Variants in MAST4 observed in about 807,000 individuals in gnomAD.
MAST4 encodes microtubule associated serine/threonine kinase family member 4, also known as microtubule-associated serine/threonine-protein kinase 4.
In MAST4, 89 loss-of-function variants were observed where a neutral mutation model predicts 162.7. The observed-to-expected ratio is 0.55, with a 90% confidence interval of 0.46 to 0.65. The LOEUF is 0.65. MAST4 is among the 30% of genes least tolerant of loss of function. MAST4 has a pLI of 0.00. For synonymous variants in MAST4, 1,479 were observed against 1,361.1 expected, an observed-to-expected ratio of 1.09 and a Z score of -1.91; for missense variants, 3,153 against 3,374.0, an observed-to-expected ratio of 0.93 and a Z score of 1.62.
intron 1 of MAST4, among the ~76,000 whole-genome samples, chr5:66,753,729 G>A (rs1207022142): frequency 2.0e-5 from 3 of 150,018 alleles, no homozygotes; most frequent in African/African-American, 7.4e-5. Flanking sequence ...GGTACAAGGA[G>A]GAACTGGTAC....
chr5:67,049,042 CGTGTATATATATATAT>C (rs1561576545), intron 4 of MAST4, among the ~76,000 whole-genome samples: 28 of 51,202 alleles, frequency 5.5e-4, no homozygotes, highest in African/African-American at 1.3e-3. Flanking sequence ...TATATATATA[CGTGTATATATATATAT>C]ACGTATATAT....
At chr5:66,639,207 C>T (rs967214731) in intron 1 of MAST4, among the ~76,000 whole-genome samples, 3 of 150,958 alleles carry the variant, frequency 2.0e-5, no homozygotes, top group Non-Finnish European at 4.4e-5. Context: ...AGAATGATGT[C>T]ATGGGAACCA....
intron 1 of MAST4, among the ~76,000 whole-genome samples, chr5:66,635,677 G>A (rs947291083): frequency 6.6e-6 from 1 of 151,242 alleles, no homozygotes; most frequent in Non-Finnish European, 1.5e-5. Flanking sequence ...CCATAAGATT[G>A]TGGATTTTTT....
intron 26 of MAST4, among the ~76,000 whole-genome samples, chr5:67,158,388 A>G (rs1018117650): frequency 9.2e-5 from 14 of 152,120 alleles, no homozygotes; most frequent in African/African-American, 3.4e-4. Context: ...GACATTAGGT[A>G]TGAAAGTATA....
intron 3 of MAST4, among the ~76,000 whole-genome samples, chr5:66,863,506 CCTT>C (rs1347253330): frequency 6.6e-6 from 1 of 152,170 alleles, no homozygotes; most frequent in Non-Finnish European, 1.5e-5. Context: ...TCTCCCTCCT[CCTT>C]GTTTCCCTCT....
At chr5:66,602,971 T>TG (rs1466233793) in intron 1 of MAST4, among the ~76,000 whole-genome samples, 1 of 152,134 alleles carries the variant, frequency 6.6e-6, no homozygotes, top group Admixed American at 6.5e-5. Flanking sequence ...GTACCCAGCA[T>TG]GGTGTGTGGT....
chr5:66,646,896 T>C lies in MAST4; in HGVS notation c.363+49878T>C, dbSNP rs143389432. Among the ~76,000 whole-genome samples, 499 of 152,336 alleles carry C rather than the reference T, an allele frequency of 3.3e-3. 3 individuals carry two copies. The highest frequency in any genetic ancestry group is 0.011 in the African/African-American group (448 of 41,580). On this transcript the variant is annotated intron_variant, in intron 1 of 28. Transcript: ENST00000403625. ...TGGGCTATATAACTTTAAAAGCTTA[T>C]TGTTATCAATGTGATTGAAAATTTA...
At chr5:66,746,050 G>T (rs1752739822) in intron 1 of MAST4, among the ~76,000 whole-genome samples, 1 of 152,108 alleles carries the variant, frequency 6.6e-6, no homozygotes, top group Non-Finnish European at 1.5e-5. Context: ...TCTAAATCTG[G>T]GCAGTTCATT....
chr5:66,684,026 CTT>C (rs2149487827), intron 1 of MAST4, among the ~76,000 whole-genome samples: 1 of 152,198 alleles, frequency 6.6e-6, no homozygotes, highest in Non-Finnish European at 1.5e-5. Context: ...TCACTGTAAT[CTT>C]TTAGATGTTG....
At chr5:66,815,596 A>G (rs1447399094) in intron 3 of MAST4, among the ~76,000 whole-genome samples, 1 of 152,228 alleles carries the variant, frequency 6.6e-6, no homozygotes, top group Non-Finnish European at 1.5e-5. Flanking sequence ...CTTGTATTTC[A>G]GAAGACAAAT....
At chr5:66,730,669 A>G (rs961828068) in intron 1 of MAST4, among the ~76,000 whole-genome samples, 9 of 152,186 alleles carry the variant, frequency 5.9e-5, no homozygotes, top group African/African-American at 2.2e-4. Context: ...AATTACAAAC[A>G]TCTTTCAAAG....
At chr5:66,972,958 T>C (rs1170666448) in intron 4 of MAST4, among the ~76,000 whole-genome samples, 3 of 152,240 alleles carry the variant, frequency 2.0e-5, no homozygotes, top group African/African-American at 4.8e-5. Context: ...CTTCAACTTT[T>C]TTTTAAATCC....
chr5:67,086,783 T>C (rs1256435727), intron 5 of MAST4, among the ~76,000 whole-genome samples: 2 of 152,074 alleles, frequency 1.3e-5, no homozygotes, highest in African/African-American at 2.4e-5. Flanking sequence ...CTATGAGGAG[T>C]GAAGGTCATG....
At chr5:67,003,921 A>G (rs1424288685) in intron 4 of MAST4, 1 of 152,136 alleles carries the variant, frequency 6.6e-6, no homozygotes, top group African/African-American at 2.4e-5. Context: ...AAACTCATAA[A>G]TTTAGTTTAC....
At chr5:67,011,733 A>G (rs535656072) in intron 4 of MAST4, among the ~76,000 whole-genome samples, 2 of 152,316 alleles carry the variant, frequency 1.3e-5, no homozygotes, top group South Asian at 4.1e-4. Context: ...AAAGGATGGA[A>G]GCAGAAATAT....
chr5:66,663,736 C>T (rs1232717031), intron 1 of MAST4, among the ~76,000 whole-genome samples: 1 of 152,058 alleles, frequency 6.6e-6, no homozygotes, highest in African/African-American at 2.4e-5. Context: ...ACCTGTGGGC[C>T]ATTTTTAGAA....
intron 4 of MAST4, among the ~76,000 whole-genome samples, chr5:66,933,186 A>T (rs1163464540): frequency 6.6e-6 from 1 of 152,142 alleles, no homozygotes; most frequent in Non-Finnish European, 1.5e-5. Flanking sequence ...TACAGTTCTG[A>T]TAAACTCCCT....
intron 1 of MAST4, among the ~76,000 whole-genome samples, chr5:66,707,971 C>T (rs912910639): frequency 1.3e-5 from 2 of 152,250 alleles, no homozygotes; most frequent in South Asian, 2.1e-4. Flanking sequence ...TAACAGCTAC[C>T]GTTTGAGTGC....
At chr5:67,043,838 A>G (rs1168882902) in intron 4 of MAST4, among the ~76,000 whole-genome samples, 1 of 152,196 alleles carries the variant, frequency 6.6e-6, no homozygotes, top group East Asian at 1.9e-4. Flanking sequence ...ATTCCCCAGT[A>G]TGTCTGTTGA....
Sources: gnomAD v4.1 joint callset for allele counts (sites outside exome capture counted in the v4.1 genomes callset) on GRCh38, gnomAD v4.1.1 for gene constraint, MANE v1.5 for transcripts, NCBI Gene and HGNC (gene_info 2026-07-23, HGNC 2026-07-21) for gene names.